The following CPNE4 variants were observed in gnomAD, a reference collection of about 807,000 sequenced individuals.
The protein encoded by CPNE4 is copine 4, also known as copine-4.
CPNE4 carries 25 observed loss-of-function variants against 67.9 expected under a neutral mutation model. The ratio of observed to expected loss-of-function variants is 0.37; its 90% CI spans 0.27 to 0.51. The LOEUF (loss-of-function observed/expected upper bound fraction) is 0.51. Among genes scored for constraint, CPNE4 ranks in the 20% least tolerant of loss-of-function variants. The pLI is 0.93. For missense variants in CPNE4, 464 were observed against 690.8 expected (o/e 0.67, Z 3.68); for synonymous variants, 242 against 244.9 (o/e 0.99, Z 0.11).
At chr3:131,767,260 C>CGTGTGT (rs67444198) in intron 2 of CPNE4, among the ~76,000 whole-genome samples, 5,764 of 150,312 alleles carry the variant, frequency 0.038, 371 homozygotes, top group African/African-American at 0.13. Flanking sequence ...TAAGTGTGAG[C>CGTGTGT]GTGTGTGTGT....
At chr3:132,003,861 T>C (rs939036485) in intron 1 of CPNE4, among the ~76,000 whole-genome samples, 2 of 152,090 alleles carry the variant, frequency 1.3e-5, no homozygotes, top group African/African-American at 4.8e-5. Context: ...CTAGGGGCCA[T>C]GGAAGCTGAG....
At chr3:131,755,560 A>G (rs1262974683) in intron 2 of CPNE4, among the ~76,000 whole-genome samples, 1 of 152,210 alleles carries the variant, frequency 6.6e-6, no homozygotes, top group Non-Finnish European at 1.5e-5. Flanking sequence ...ACAATTACAA[A>G]TCAATTACTG....
chr3:131,543,585 A>AT (rs933077708), intron 14 of CPNE4, among the ~76,000 whole-genome samples: 11 of 152,334 alleles, frequency 7.2e-5, no homozygotes, highest in Non-Finnish European at 1.3e-4. Flanking sequence ...TTCATTAATA[A>AT]TTTTTTTATA....
At chr3:131,936,846 G>C (rs1193609963) in intron 1 of CPNE4, among the ~76,000 whole-genome samples, 2 of 151,386 alleles carry the variant, frequency 1.3e-5, no homozygotes, top group African/African-American at 4.9e-5. Context: ...AGAGTTGGTA[G>C]AAACCAGGAA....
chr3:131,982,659 T>G (rs2072936830), intron 1 of CPNE4, among the ~76,000 whole-genome samples: 1 of 152,198 alleles, frequency 6.6e-6, no homozygotes, highest in Non-Finnish European at 1.5e-5. Context: ...TTGCATGAAT[T>G]TTTTTGTTTA....
At position 131,674,667 on chromosome 3, in the gene CPNE4, T is replaced by C. The variant is rs189024776; in HGVS notation, c.592-4903A>G. Among the ~76,000 whole-genome samples the C allele has an allele frequency of 3.9e-5, 6 of 152,120 alleles. No individual in the cohort carries two copies. In the East Asian group the frequency reaches 9.6e-4, roughly 24 times the overall value. ...ATTTTCTGCAGTATTTGTTATAATGTCTTCAGATTTAATTTTATTTATTTG... is the reference window on the plus strand; with the variant it reads ...ATTTTCTGCAGTATTTGTTATAATGCCTTCAGATTTAATTTTATTTATTTG... On this transcript the variant is annotated intron_variant, in intron 6 of 15. Coordinates refer to ENST00000429747, the MANE Select transcript of CPNE4 (RefSeq NM_130808.3).
rs116665339 is a variant in CPNE4, at chr3:131,735,567, C to T, written c.181-11942G>A. Reference sequence around the variant, plus strand: ...GTTAGGTTTTCTAATATTTTCCAAACTTGTTTAGCCCTCTCTTTCTCTGTC... The same window carrying T: ...GTTAGGTTTTCTAATATTTTCCAAATTTGTTTAGCCCTCTCTTTCTCTGTC... On this transcript the variant is annotated intron_variant, in intron 2 of 15. Coordinates refer to ENST00000429747, the MANE Select transcript of CPNE4 (RefSeq NM_130808.3). Among the ~76,000 whole-genome samples, 1,237 of 152,322 alleles carry T rather than the reference C, an allele frequency of 8.1e-3. 16 individuals are homozygous for T. Among genetic ancestry groups the T allele is most frequent in the African/African-American group, 0.028 (1,165 of 41,562 alleles).
upstream of CPNE4, among the ~76,000 whole-genome samples, chr3:132,037,126 T>C (rs1487250005): frequency 6.6e-6 from 1 of 152,218 alleles, no homozygotes; most frequent in Non-Finnish European, 1.5e-5. Context: ...TCAATGCTCA[T>C]AGGGAAAAAG....
intron 7 of CPNE4, among the ~76,000 whole-genome samples, chr3:131,612,405 A>G (rs934213675): frequency 1.3e-5 from 2 of 152,090 alleles, no homozygotes; most frequent in African/African-American, 4.8e-5. Flanking sequence ...CTTTTGTGTG[A>G]ATATTGAAGC....
intron 9 of CPNE4, among the ~76,000 whole-genome samples, chr3:131,576,740 C>A (rs76710222): frequency 0.036 from 5,520 of 151,584 alleles, 298 homozygotes; most frequent in African/African-American, 0.12. Flanking sequence ...TTTTCATAGG[C>A]AGGAGTGGGC....
At chr3:131,700,754 A>T (rs1453381374) in intron 3 of CPNE4, among the ~76,000 whole-genome samples, 1 of 152,210 alleles carries the variant, frequency 6.6e-6, no homozygotes, top group African/African-American at 2.4e-5. Context: ...GTACATACCC[A>T]AAGGATTATA....
upstream of CPNE4, among the ~76,000 whole-genome samples, chr3:132,036,519 C>T (rs1409738120): frequency 2.6e-5 from 4 of 152,142 alleles, no homozygotes; most frequent in African/African-American, 9.7e-5. Flanking sequence ...TGTATGACTA[C>T]TAAATATGAA....
intron 2 of CPNE4, among the ~76,000 whole-genome samples, chr3:131,803,828 T>G (rs150066849): frequency 1.1e-4 from 17 of 152,298 alleles, no homozygotes; most frequent in African/African-American, 4.1e-4. Context: ...TGCTGGAACA[T>G]TAAGCAGTGA....
chr3:131,615,929 G>GCACA lies in CPNE4; in HGVS notation c.682-28351_682-28348dup, dbSNP rs55641783. 5.8e-3 allele frequency among the ~76,000 whole-genome samples: 454 copies of GCACA among 78,078 alleles called. 1 individual carries two copies. The highest frequency in any genetic ancestry group is 0.028 in the African/African-American group (267 of 9,460). 51.2% of individuals were successfully genotyped at this position (78,078 alleles called of 152,430 possible). A position where few individuals can be genotyped will look rare whatever the true frequency, so the allele number is the denominator to read the frequency against. On this transcript the variant is annotated intron_variant, in intron 7 of 15. Coordinates refer to ENST00000429747, the MANE Select transcript of CPNE4 (RefSeq NM_130808.3). ...CACACACACACACACACACACACAC[G>GCACA]CACACACACACACACACACACAAAA...
chr3:131,657,669 G>A (rs2080010044), intron 7 of CPNE4, among the ~76,000 whole-genome samples: 1 of 150,438 alleles, frequency 6.6e-6, no homozygotes, highest in African/African-American at 2.5e-5. Flanking sequence ...CGAGGAGCTG[G>A]GATTACAGGC....
In CPNE4 at chr3:131,700,147, G is replaced by A. The variant is rs189255789; in HGVS notation, c.361-167C>T. ...TTGTCAATGAGCCTCTCCTAATATAGGTTATTCCCTTTTCTCTTTCTTCTT... is the reference window on the plus strand; with the variant it reads ...TTGTCAATGAGCCTCTCCTAATATAAGTTATTCCCTTTTCTCTTTCTTCTT... On this transcript the variant is annotated intron_variant, in intron 3 of 15. Coordinates refer to ENST00000429747, the MANE Select transcript of CPNE4 (RefSeq NM_130808.3). 1.7e-4 allele frequency among the ~76,000 whole-genome samples: 25 copies of A among 143,260 alleles called. No individual in the cohort carries two copies. In the East Asian group the frequency reaches 4.9e-3, roughly 28 times the overall value. 94.0% of individuals were successfully genotyped at this position (143,260 alleles called of 152,430 possible).
At chr3:132,035,017 A>G, upstream of CPNE4, 1 of 985,362 alleles carries the variant, frequency 1.0e-6, no homozygotes, top group Non-Finnish European at 1.2e-6. Flanking sequence ...CTTCTGACGA[A>G]TCCCATGCAC....
At chr3:131,784,017 T>G (rs551588886) in intron 2 of CPNE4, among the ~76,000 whole-genome samples, 26 of 152,140 alleles carry the variant, frequency 1.7e-4, no homozygotes, top group Non-Finnish European at 3.4e-4. Flanking sequence ...CTCAGAGAAA[T>G]TTTGCTCAGC....
At chr3:131,801,884 C>A (rs200105161) in intron 2 of CPNE4, among the ~76,000 whole-genome samples, 20 of 44,432 alleles carry the variant, frequency 4.5e-4, no homozygotes, top group African/African-American at 6.0e-4. Flanking sequence ...AGCCAAATGC[C>A]AAAAAAAAAA....
Sources: gnomAD v4.1 joint callset for allele counts (sites outside exome capture counted in the v4.1 genomes callset) on GRCh38, gnomAD v4.1.1 for gene constraint, MANE v1.5 for transcripts, NCBI Gene and HGNC (gene_info 2026-07-23, HGNC 2026-07-21) for gene names.